The following ALPK2 variants were observed in gnomAD, a reference collection of about 807,000 sequenced individuals.
ALPK2 encodes the protein alpha-protein kinase 2.
Under a neutral mutation model 163.1 loss-of-function variants are expected in ALPK2, and 127 were observed. The ratio of observed to expected loss-of-function variants is 0.78; its 90% CI spans 0.67 to 0.90. The LOEUF (loss-of-function observed/expected upper bound fraction) is 0.90. Among genes scored for constraint, ALPK2 ranks in the 40% least tolerant of loss-of-function variants. The probability of loss-of-function intolerance (pLI) is 0.00; values close to 1 mark genes in which losing one functional copy is unlikely to be tolerated. For synonymous variants in ALPK2, 953 were observed against 959.1 expected, an observed-to-expected ratio of 0.99 and a Z score of 0.12; for missense variants, 2,360 against 2,589.6, an observed-to-expected ratio of 0.91 and a Z score of 1.92.
intron 4 of ALPK2, among the ~76,000 whole-genome samples, chr18:58,552,897 T>C (rs957240333): frequency 6.6e-6 from 1 of 152,224 alleles, no homozygotes; most frequent in Admixed American, 6.5e-5. Context: ...AATGTGACTT[T>C]ACTTGGGAGT....
chr18:58,605,258 A>G (rs1239056035), intron 3 of ALPK2, among the ~76,000 whole-genome samples: 2 of 152,188 alleles, frequency 1.3e-5, no homozygotes, highest in Non-Finnish European at 2.9e-5. Context: ...TTTTTAAAGC[A>G]TATTATCTAT....
In ALPK2 at chr18:58,498,058, A is replaced by G. The variant is rs1209717673; in HGVS notation, c.6287T>C (p.Leu2096Pro). 1.2e-6 allele frequency: 2 copies of G among 1,614,128 alleles called. No individual in the cohort carries two copies. Among genetic ancestry groups the G allele is most frequent in the East Asian group, 4.5e-5 (2 of 44,888 alleles). The change falls in exon 12 of 13, where the codon CTG (leucine) becomes CCG (proline). Residue 2096 changes from leucine (L) to proline (P), a missense_variant. Physicochemically the swap from Leu to Pro is moderately conservative, Grantham distance 98. Coordinates refer to ENST00000361673, the MANE Select transcript of ALPK2 (RefSeq NM_052947.4). ...ATTTTTTCCTACTCACCCTTTAGCC[A>G]GCGTTGCTATGCCAACGTCAGTTAG... ...MKLTDVGIAT[L>P]AKGYKGFKGN...
At chr18:58,541,002 C>A (rs1473571996) in intron 4 of ALPK2, among the ~76,000 whole-genome samples, 1 of 152,220 alleles carries the variant, frequency 6.6e-6, no homozygotes, top group Non-Finnish European at 1.5e-5. Flanking sequence ...AGCTTGGTCA[C>A]TGGAATAGAT....
intron 2 of ALPK2, among the ~76,000 whole-genome samples, chr18:58,608,947 G>A (rs1264315065): frequency 1.4e-5 from 2 of 143,122 alleles, no homozygotes; most frequent in East Asian, 2.0e-4. Context: ...GACAGAGTGG[G>A]ACCTTGTCTC....
chr18:58,564,105 G>A (rs1032011884), intron 4 of ALPK2, among the ~76,000 whole-genome samples: 5 of 123,540 alleles, frequency 4.0e-5, no homozygotes, highest in East Asian at 2.5e-4. Flanking sequence ...CATGAATTGC[G>A]TATTTGATGT....
chr18:58,608,175 G>A (rs868262531), intron 2 of ALPK2, among the ~76,000 whole-genome samples: 8 of 152,314 alleles, frequency 5.3e-5, no homozygotes, highest in African/African-American at 1.7e-4. Context: ...AAGTTAGTGC[G>A]TTAGTTATGG....
intron 1 of ALPK2, among the ~76,000 whole-genome samples, chr18:58,628,297 A>G (rs9319933): frequency 0.1 from 15,628 of 152,276 alleles, 2,585 homozygotes; most frequent in African/African-American, 0.35. Context: ...ATTTTCAATC[A>G]TTCAGTTAAT....
At chr18:58,502,989 T>C (rs1307481758) in intron 11 of ALPK2, among the ~76,000 whole-genome samples, 1 of 152,202 alleles carries the variant, frequency 6.6e-6, no homozygotes, top group Non-Finnish European at 1.5e-5. Context: ...CACTGGCTAA[T>C]AATATACTCT....
chr18:58,487,723 C>T (rs2051346927), intron 12 of ALPK2, among the ~76,000 whole-genome samples: 1 of 152,070 alleles, frequency 6.6e-6, no homozygotes, highest in Admixed American at 6.6e-5. Context: ...TAAATGTACT[C>T]CACTGAACAG....
intron 3 of ALPK2, among the ~76,000 whole-genome samples, chr18:58,581,904 T>C (rs997835775): frequency 1.3e-5 from 2 of 152,204 alleles, no homozygotes; most frequent in African/African-American, 4.8e-5. Context: ...AGATATAATA[T>C]GGTCATCCTT....
chr18:58,578,738 A>ACACACGCGCGCACGCGCG lies in ALPK2; in HGVS notation c.1962+75_1962+76insCGCGCGTGCGCGCGTGTG, dbSNP rs138127797. The stretch of plus-strand genomic sequence containing the variant: ...GAATGTGAAGTAAAGGAAGAGACAC[A>ACACACGCGCGCACGCGCG]CACACACACACACACACACACACAC... On this transcript the variant is annotated intron_variant, in intron 4 of 12. Transcript: ENST00000361673. 9.4e-5 allele frequency: 88 copies of ACACACGCGCGCACGCGCG among 936,380 alleles called. 4 individuals are homozygous for ACACACGCGCGCACGCGCG. Among genetic ancestry groups the ACACACGCGCGCACGCGCG allele is most frequent in the East Asian group, 1.9e-4 (7 of 36,758 alleles). 58.0% of individuals were successfully genotyped at this position (936,380 alleles called of 1,614,324 possible).
At position 58,484,690 on chromosome 18, in the gene ALPK2, G is replaced by A. The variant is rs1453246035; in HGVS notation, c.6297-2651C>T. On this transcript the variant is annotated intron_variant, in intron 12 of 12. Coordinates refer to ENST00000361673, the MANE Select transcript of ALPK2 (RefSeq NM_052947.4). ...ATCCAGGAGGCAGAGGTTGCAGTGA[G>A]ACGAGATCGCGCCACTGCACTCCAG... is the stretch of plus-strand genomic sequence containing the variant. Among the ~76,000 whole-genome samples, 3 of 152,330 alleles carry A rather than the reference G, an allele frequency of 2.0e-5. No homozygotes were observed. The East Asian group carries it at 5.8e-4, about 29-fold the overall frequency.
chr18:58,515,961 C>A (rs533058510), intron 9 of ALPK2, among the ~76,000 whole-genome samples: 5 of 152,194 alleles, frequency 3.3e-5, no homozygotes, highest in African/African-American at 9.6e-5. Context: ...TGCCTGTAAT[C>A]CCAGCACTTT....
chr18:58,565,764 TTCCTTC>T (rs1281069360), intron 4 of ALPK2, among the ~76,000 whole-genome samples: 7 of 146,498 alleles, frequency 4.8e-5, no homozygotes, highest in African/African-American at 1.3e-4. Context: ...CCTTCCTTCC[TTCCTTC>T]CTTTCTTTCT....
At chr18:58,532,559 C>A (rs2051621790) in intron 5 of ALPK2, among the ~76,000 whole-genome samples, 2 of 152,220 alleles carry the variant, frequency 1.3e-5, no homozygotes, top group Non-Finnish European at 2.9e-5. Flanking sequence ...ATGCCAGCAC[C>A]ACTCTTTCTC....
intron 8 of ALPK2, among the ~76,000 whole-genome samples, chr18:58,519,092 G>A (rs984449848): frequency 2.6e-5 from 4 of 152,200 alleles, no homozygotes; most frequent in Admixed American, 1.3e-4. Context: ...AGAGAACTGG[G>A]TTGGAGCTGC....
In ALPK2 at chr18:58,579,486, A is replaced by G; in HGVS notation, c.1290T>C (p.Thr430=). The change falls in exon 4 of 13, where the codon ACT becomes ACC. Residue 430 remains threonine, a synonymous_variant. Coordinates refer to ENST00000361673, the MANE Select transcript of ALPK2 (RefSeq NM_052947.4). ...CATCCTGGTGAGGTCCCAAAATGAG[A>G]GTCATCCCTGTTTGTGGGGATGAGG... ...HGPSSPQTGM[T]LILGPHQDGT... 1 of 1,614,046 alleles carries G rather than the reference A, an allele frequency of 6.2e-7. No individual in the cohort carries two copies. Among genetic ancestry groups the G allele is most frequent in the Non-Finnish European group, 8.5e-7 (1 of 1,180,016 alleles).
At chr18:58,590,622 T>C (rs2052010387) in intron 3 of ALPK2, among the ~76,000 whole-genome samples, 1 of 152,258 alleles carries the variant, frequency 6.6e-6, no homozygotes, top group Non-Finnish European at 1.5e-5. Context: ...TAATCATTTT[T>C]ATAACTGAAG....
At chr18:58,490,146 A>G (rs1290692212) in intron 12 of ALPK2, among the ~76,000 whole-genome samples, 1 of 152,206 alleles carries the variant, frequency 6.6e-6, no homozygotes, top group East Asian at 1.9e-4. Flanking sequence ...TTGACAACAG[A>G]AATCTTGTTT....
Sources: gnomAD v4.1 joint callset for allele counts (sites outside exome capture counted in the v4.1 genomes callset) on GRCh38, gnomAD v4.1.1 for gene constraint, MANE v1.5 for transcripts, NCBI Gene and HGNC (gene_info 2026-07-23, HGNC 2026-07-21) for gene names.